The following IK variants were observed in gnomAD, a reference collection of about 807,000 sequenced individuals.
IK encodes protein Red.
In IK, 47 loss-of-function variants were observed where a neutral mutation model predicts 90.9. The ratio of observed to expected loss-of-function variants is 0.52; its 90% CI spans 0.41 to 0.66. IK has a LOEUF of 0.66. Among genes scored for constraint, IK ranks in the 30% least tolerant of loss-of-function variants. The pLI, the probability that IK is intolerant of heterozygous loss-of-function variation, is 0.00. For missense variants in IK, 385 were observed against 709.3 expected (o/e 0.54, Z 5.19); for synonymous variants, 201 against 227.5 (o/e 0.88, Z 1.05).
intron 12 of IK, 63 bp from the exon 13 acceptor site, chr5:140,659,251 TG>T: frequency 6.2e-7 from 1 of 1,613,182 alleles, no homozygotes; most frequent in South Asian, 1.1e-5. Context: ...GTTTCAAACT[TG>T]GGGGAGGGAT....
In IK at chr5:140,655,844, G is replaced by A. The variant is rs1274507205; in HGVS notation, c.653G>A (p.Arg218Gln). ...CTTATTGTAGGCCGCAATGTTTACC[G>A]AATGCTTTTTAAGAGCAAAGCATAT... ...FKTRLGRNVYRMLFKSKAYER... is the reference protein window; with the variant it reads ...FKTRLGRNVYQMLFKSKAYER... Residue 218 changes from arginine to glutamine, a missense_variant, in exon 9 of 20, where the codon CGA becomes CAA. By Grantham distance (43) the Arg-to-Gln change is conservative. Coordinates refer to ENST00000417647, the MANE Select transcript of IK (RefSeq NM_006083.4). The A allele has an allele frequency of 2.5e-6, 4 of 1,610,520 alleles. No homozygotes were observed. The highest frequency in any genetic ancestry group is 3.4e-6 in the Non-Finnish European group (4 of 1,178,358).
rs367891228 is a variant in IK at position 140,648,430 on chromosome 5, C to T, written c.17-41C>T. The T allele has an allele frequency of 5.7e-5, 90 of 1,590,268 alleles. 1 individual carries two copies. The highest frequency in any genetic ancestry group is 4.0e-5 in the Non-Finnish European group (46 of 1,158,492). On this transcript the variant is annotated intron_variant, in intron 1 of 19. Coordinates refer to ENST00000417647, the MANE Select transcript of IK (RefSeq NM_006083.4). ...TCAAATTTTTGCATAGGATCTGACA[C>T]GTAAGAGACTGATTAAATTAACGTC...
At position 140,660,292 on chromosome 5, in the gene IK, C is replaced by CTTTTTTTTTTTTT. The variant is rs200714869; in HGVS notation, c.1355+107_1355+119dup. On this transcript the variant is annotated intron_variant, in intron 15 of 19. Coordinates refer to ENST00000417647, the MANE Select transcript of IK (RefSeq NM_006083.4). ...GATTCGCTAAGTCCCAGGGCTACTT[C>CTTTTTTTTTTTTT]TTTTTTTTTTTTTTTTTTTTTTGGA... 2,436 of 282,560 alleles carry CTTTTTTTTTTTTT rather than the reference C, an allele frequency of 8.6e-3. 166 individuals are homozygous for CTTTTTTTTTTTTT. Among genetic ancestry groups the CTTTTTTTTTTTTT allele is most frequent in the African/African-American group, 0.025 (484 of 19,450 alleles). The allele number at this position is 282,560 out of a possible 1,614,324, so 17.5% of individuals were successfully genotyped here.
intron 6 of IK, 100 bp downstream of exon 6, chr5:140,654,152 A>C (rs534699260): frequency 2.8e-6 from 2 of 719,264 alleles, no homozygotes; most frequent in South Asian, 3.3e-5. Context: ...GTTCAGACTG[A>C]GTAGAAGAAG....
intron 3 of IK, 68 bp downstream of exon 3, chr5:140,651,874 A>G: frequency 9.4e-7 from 1 of 1,068,408 alleles, no homozygotes; most frequent in Non-Finnish European, 1.4e-6. Context: ...CTTTCTACTA[A>G]GTAGAATGAC....
chr5:140,659,350 G>C lies in IK; in HGVS notation c.1195+17G>C, dbSNP rs1176705143. The C allele has an allele frequency of 6.2e-7, 1 of 1,613,772 alleles. No homozygotes were observed. The highest frequency in any genetic ancestry group is 1.1e-5 in the South Asian group (1 of 91,078). On this transcript the variant is annotated intron_variant, in intron 13 of 19. Coordinates refer to ENST00000417647, the MANE Select transcript of IK (RefSeq NM_006083.4). ...TTGACAAAGGTGAGTTGTACACACA[G>C]CATCTCACAGTTGCTCTAGCAGTCC...
At chr5:140,655,565 C>G (rs930575401) in intron 8 of IK, among the ~76,000 whole-genome samples, 13 of 152,160 alleles carry the variant, frequency 8.5e-5, no homozygotes, top group African/African-American at 3.1e-4. Flanking sequence ...GGACAGGAGC[C>G]CAGGCTTTGG....
intron 10 of IK, among the ~76,000 whole-genome samples, chr5:140,657,955 C>T (rs1222702262): frequency 6.6e-6 from 1 of 152,186 alleles, no homozygotes; most frequent in Non-Finnish European, 1.5e-5. Flanking sequence ...AAAACCTAGA[C>T]AGATTCTAAA....
chr5:140,648,119 TC>T (rs1485561122), intron 1 of IK, 195 bp downstream of exon 1: 1 of 731,994 alleles, frequency 1.4e-6, no homozygotes, highest in South Asian at 1.5e-5. Flanking sequence ...CCAAACTCCG[TC>T]CCCAGTCCTC....
chr5:140,654,901 C>T (rs1299161498), intron 8 of IK, among the ~76,000 whole-genome samples, 174 bp downstream of exon 8: 1 of 152,104 alleles, frequency 6.6e-6, no homozygotes, highest in Non-Finnish European at 1.5e-5. Flanking sequence ...GATCATGGCT[C>T]AGTGCAGCCT....
In IK at chr5:140,651,258, C is replaced by T. The variant is rs182969892; in HGVS notation, c.84-456C>T. On this transcript the variant is annotated intron_variant, in intron 2 of 19. Transcript: ENST00000417647. The stretch of plus-strand genomic sequence containing the variant: ...CCTGAGGTCAGAAGTTTGGGACCAG[C>T]CTGGCCAACACCTCTAATAAAAATA... 1.1e-4 allele frequency among the ~76,000 whole-genome samples: 17 copies of T among 150,778 alleles called. No homozygotes were observed. The East Asian group carries it at 2.6e-3, about 23-fold the overall frequency.
In IK at chr5:140,659,942, C is replaced by T. The variant is rs73791738; in HGVS notation, c.1274+108C>T. The T allele has an allele frequency of 3.0e-3, 2,871 of 968,518 alleles. 46 individuals are homozygous for T. In the African/African-American group the frequency reaches 0.042, roughly 14 times the overall value. 60.0% of individuals were successfully genotyped at this position (968,518 alleles called of 1,614,324 possible). On this transcript the variant is annotated intron_variant, in intron 14 of 19. Coordinates refer to ENST00000417647, the MANE Select transcript of IK (RefSeq NM_006083.4). Reference sequence around the variant, plus strand: ...ACCCTGCCCCTCTCCTTCCCTTTTACGCTGAATTTTGACAGAATGAAACCA... The same window carrying T: ...ACCCTGCCCCTCTCCTTCCCTTTTATGCTGAATTTTGACAGAATGAAACCA...
Position 140,662,358 on chromosome 5 carries a change from A to G in IK, c.*29A>G. 1 of 1,610,570 alleles carries G rather than the reference A, an allele frequency of 6.2e-7. No homozygotes were observed. Among genetic ancestry groups the G allele is most frequent in the Non-Finnish European group, 8.5e-7 (1 of 1,176,730 alleles). ...CTAGTTACAACCAGAGATGCTCCAC[A>G]AGGATATGCTCCCCACTGTTTTCTT... On this transcript the variant is annotated 3_prime_UTR_variant, in exon 20 of 20. Transcript: ENST00000417647.
At chr5:140,656,440 C>T (rs897952747) in intron 9 of IK, among the ~76,000 whole-genome samples, 2 of 152,190 alleles carry the variant, frequency 1.3e-5, no homozygotes, top group Non-Finnish European at 2.9e-5. Context: ...CCGCCTTGGC[C>T]TCCCAAAGTA....
intron 13 of IK, 109 bp downstream of exon 13, chr5:140,659,442 TTGTAAGAAC>T: frequency 8.6e-7 from 1 of 1,168,606 alleles, no homozygotes. Flanking sequence ...TTCTGGGTTC[TTGTAAGAAC>T]TGTGTCTTGC....
rs372804163 is a variant in IK, at chr5:140,653,157, G to A, written c.404+13G>A. The A allele has an allele frequency of 3.6e-5, 58 of 1,610,624 alleles. No homozygotes were observed. In the African/African-American group the frequency reaches 7.3e-4, roughly 20 times the overall value. ...CCACTGCTGAGGCGTGAGTACTGAG[G>A]GAACAGGGCATGGTTCCCTCAGCAT... is the stretch of plus-strand genomic sequence containing the variant. On this transcript the variant is annotated intron_variant, in intron 5 of 19. Coordinates refer to ENST00000417647, the MANE Select transcript of IK (RefSeq NM_006083.4).
chr5:140,649,324 T>C (rs1050147797), intron 2 of IK, among the ~76,000 whole-genome samples: 2 of 151,248 alleles, frequency 1.3e-5, no homozygotes, highest in African/African-American at 4.9e-5. Flanking sequence ...TTCTCCTGCC[T>C]CAGCCTCCCA....
chr5:140,656,364 T>C (rs925038999), intron 9 of IK, among the ~76,000 whole-genome samples: 4 of 152,194 alleles, frequency 2.6e-5, no homozygotes, highest in Middle Eastern at 3.2e-3. Flanking sequence ...GGTTAATTTT[T>C]TTATTTTTAG....
rs1476109925 is a variant in IK, at chr5:140,654,497, C to T, written c.520-19C>T. 7.0e-6 allele frequency: 11 copies of T among 1,571,076 alleles called. 1 individual carries two copies. The highest frequency in any genetic ancestry group is 5.4e-5 in the African/African-American group (4 of 73,730). ...AATATATAAAATGAGTGTCCTAACC[C>T]TGCTTGCTTTCCTGTTAGGTACGAG... is the stretch of plus-strand genomic sequence containing the variant. On this transcript the variant is annotated intron_variant, in intron 6 of 19. Transcript: ENST00000417647.
Sources: gnomAD v4.1 joint callset for allele counts (sites outside exome capture counted in the v4.1 genomes callset) on GRCh38, gnomAD v4.1.1 for gene constraint, MANE v1.5 for transcripts, NCBI Gene and HGNC (gene_info 2026-07-23, HGNC 2026-07-21) for gene names.